The following MID1 variants were observed in gnomAD, a reference collection of about 807,000 sequenced individuals.
The protein encoded by MID1 is midline 1, also known as E3 ubiquitin-protein ligase Midline-1.
Under a neutral mutation model 40.4 loss-of-function variants are expected in MID1, and 7 were observed. That is an observed-to-expected ratio of 0.17 (90% CI 0.10 to 0.33). The LOEUF (loss-of-function observed/expected upper bound fraction) is 0.33. Among genes scored for constraint, MID1 ranks in the 10% least tolerant of loss-of-function variants. MID1 has a pLI of 1.00. For missense variants in MID1, 367 were observed against 558.5 expected (o/e 0.66, Z 3.46); for synonymous variants, 229 against 221.2 (o/e 1.04, Z -0.31).
intron 1 of MID1, among the ~76,000 whole-genome samples, chrX:10,774,434 G>A (rs1032385494): frequency 1.8e-5 from 2 of 109,423 alleles, no homozygotes; most frequent in African/African-American, 6.6e-5. Flanking sequence ...CTGCTTGTCT[G>A]GGACTCTAAC....
chrX:10,508,850 T>C (rs750448084), intron 3 of MID1, among the ~76,000 whole-genome samples: 13 of 111,771 alleles, frequency 1.2e-4, no homozygotes, highest in African/African-American at 3.6e-4. Flanking sequence ...TGGGGGCCAT[T>C]TGCAGAGAGC....
At chrX:10,702,623 C>T (rs979268126) in intron 1 of MID1, among the ~76,000 whole-genome samples, 3 of 112,160 alleles carry the variant, frequency 2.7e-5, no homozygotes, top group African/African-American at 9.7e-5. Context: ...CACATTTGCA[C>T]CAATACAAAT....
At chrX:10,577,641 CGT>C (rs1297018828) in intron 1 of MID1, among the ~76,000 whole-genome samples, 1 of 98,121 alleles carries the variant, frequency 1.0e-5, no homozygotes, top group East Asian at 2.9e-4. Context: ...ATAAAAACAT[CGT>C]GTGTGTATAT....
intron 1 of MID1, among the ~76,000 whole-genome samples, chrX:10,692,961 A>T (rs1227940226): frequency 1.8e-5 from 2 of 111,161 alleles, no homozygotes; most frequent in East Asian, 5.7e-4. Context: ...TTCCCCAATG[A>T]TGAGTAGAAA....
chrX:10,617,744 G>T (rs895818134), intron 1 of MID1, among the ~76,000 whole-genome samples: 3 of 112,102 alleles, frequency 2.7e-5, no homozygotes, highest in Non-Finnish European at 5.6e-5. Flanking sequence ...TTTCGGCCAG[G>T]CTTCTAGAAC....
intron 1 of MID1, among the ~76,000 whole-genome samples, chrX:10,618,335 G>C (rs1935874008): frequency 8.9e-6 from 1 of 112,043 alleles, no homozygotes; most frequent in Admixed American, 9.5e-5. Context: ...TTCCCCAAGA[G>C]AAACTCAAAT....
intron 1 of MID1, among the ~76,000 whole-genome samples, chrX:10,683,644 G>A (rs1034658581): frequency 1.0e-4 from 11 of 109,652 alleles, no homozygotes; most frequent in Admixed American, 3.0e-4. Context: ...AATATTACAC[G>A]CACAGAGACA....
chrX:10,504,809 G>A (rs974227803), intron 3 of MID1, among the ~76,000 whole-genome samples: 3 of 109,527 alleles, frequency 2.7e-5, no homozygotes, highest in African/African-American at 1.0e-4. Context: ...TTAGCATTGT[G>A]GGCCAGACGG....
At chrX:10,663,718 G>A (rs1342965407) in intron 1 of MID1, among the ~76,000 whole-genome samples, 1 of 111,166 alleles carries the variant, frequency 9.0e-6, no homozygotes, top group African/African-American at 3.3e-5. Flanking sequence ...TAATAATAAT[G>A]CCCTCTAGCA....
At chrX:10,759,005 C>T (rs1240399464) in intron 1 of MID1, among the ~76,000 whole-genome samples, 1 of 112,025 alleles carries the variant, frequency 8.9e-6, no homozygotes, top group African/African-American at 3.2e-5. Context: ...ACAGTGTAAA[C>T]TTTCCTATTT....
chrX:10,706,973 T>G (rs1297684663), intron 1 of MID1, among the ~76,000 whole-genome samples: 1 of 111,969 alleles, frequency 8.9e-6, no homozygotes, highest in African/African-American at 3.2e-5. Flanking sequence ...GGTCTAACTA[T>G]AGCATTATAA....
At chrX:10,721,737 T>C (rs1280153527) in intron 1 of MID1, among the ~76,000 whole-genome samples, 1 of 108,304 alleles carries the variant, frequency 9.2e-6, no homozygotes, top group Non-Finnish European at 1.9e-5. Flanking sequence ...AAAAAAAAAC[T>C]TTCTGAAAAT....
chrX:10,601,776 G>A (rs772072045), intron 1 of MID1, among the ~76,000 whole-genome samples: 75 of 111,353 alleles, frequency 6.7e-4, no homozygotes, highest in Middle Eastern at 4.7e-3. Flanking sequence ...TCCAATTATT[G>A]GGAATGGGGA....
intron 1 of MID1, among the ~76,000 whole-genome samples, chrX:10,715,783 G>C (rs1347716696): frequency 1.8e-5 from 2 of 111,878 alleles, no homozygotes; most frequent in Non-Finnish European, 3.8e-5. Context: ...AGCCTAACTG[G>C]GAGGCACCCC....
chrX:10,584,869 C>T lies in MID1; in HGVS notation c.-56-17266G>A, dbSNP rs1035991295. 1.1e-4 allele frequency among the ~76,000 whole-genome samples: 12 copies of T among 110,971 alleles called. No homozygotes were observed. The South Asian group carries it at 1.5e-3, about 14-fold the overall frequency. ...AAGGGGTTTATTCGGCTGGGGGCAT[C>T]GGCAAGACTCCTGTCTCAAGAGCCG... is the stretch of plus-strand genomic sequence containing the variant. On this transcript the variant is annotated intron_variant, in intron 1 of 9. Coordinates refer to ENST00000317552, the MANE Select transcript of MID1 (RefSeq NM_000381.4).
At chrX:10,615,837 A>G (rs944335831) in intron 1 of MID1, among the ~76,000 whole-genome samples, 2 of 112,683 alleles carry the variant, frequency 1.8e-5, no homozygotes, top group African/African-American at 6.5e-5. Context: ...TTTGTGTGAA[A>G]TCAAAGGAAT....
intron 2 of MID1, among the ~76,000 whole-genome samples, chrX:10,565,871 G>A (rs866138936): frequency 1.6e-4 from 17 of 106,025 alleles, no homozygotes; most frequent in East Asian, 6.0e-4. Flanking sequence ...GCGCAGTGGC[G>A]CGATCTTGGG....
At chrX:10,531,351 T>C (rs1001817724) in intron 2 of MID1, among the ~76,000 whole-genome samples, 1 of 112,316 alleles carries the variant, frequency 8.9e-6, no homozygotes, top group Non-Finnish European at 1.9e-5. Flanking sequence ...CGCAAATACA[T>C]GTAATTTAGG....
chrX:10,491,193 T>C (rs1179004521), intron 4 of MID1, among the ~76,000 whole-genome samples: 1 of 112,121 alleles, frequency 8.9e-6, no homozygotes, highest in Non-Finnish European at 1.9e-5. Flanking sequence ...TCTTTATTTT[T>C]TTTAACAACC....
Sources: gnomAD v4.1 joint callset for allele counts (sites outside exome capture counted in the v4.1 genomes callset) on GRCh38, gnomAD v4.1.1 for gene constraint, MANE v1.5 for transcripts, NCBI Gene and HGNC (gene_info 2026-07-23, HGNC 2026-07-21) for gene names.